The following WDR82 variants were observed in gnomAD, a reference collection of about 807,000 sequenced individuals.
WDR82 encodes the protein WD repeat domain 82, also known as WD repeat-containing protein 82.
WDR82 carries 8 observed loss-of-function variants against 36.1 expected under a neutral mutation model. That is an observed-to-expected ratio of 0.22 (90% CI 0.13 to 0.40). The LOEUF (loss-of-function observed/expected upper bound fraction) is 0.40, where lower values mean the gene tolerates loss of function less well. Among genes scored for constraint, WDR82 ranks in the 10% least tolerant of loss-of-function variants. The pLI, the probability that WDR82 is intolerant of heterozygous loss-of-function variation, is 1.00. For missense variants in WDR82, 185 were observed against 400.5 expected (o/e 0.46, Z 4.59); for synonymous variants, 129 against 137.8 (o/e 0.94, Z 0.45).
intron 2 of WDR82, chr3:52,268,464 A>C (rs1700125430): frequency 2.6e-6 from 1 of 382,046 alleles, no homozygotes. Context: ...GCAAAGCTAC[A>C]AGTGCCACAC....
At position 52,270,702 on chromosome 3, in the gene WDR82, G is replaced by C; in HGVS notation, c.259+10C>G. The C allele has an allele frequency of 6.2e-7, 1 of 1,601,324 alleles. No individual in the cohort carries two copies. The highest frequency in any genetic ancestry group is 8.5e-7 in the Non-Finnish European group (1 of 1,174,420). ...ACCATGACCTTAACTTCCTAAAAAG[G>C]CTTGCTTACCGTCTATTTTGTTAGA... On this transcript the variant is annotated intron_variant, in intron 2 of 8. Coordinates refer to ENST00000296490, the MANE Select transcript of WDR82 (RefSeq NM_025222.4).
In WDR82 at chr3:52,259,832, C is replaced by G. The variant is rs767980050; in HGVS notation, c.584G>C (p.Cys195Ser). Residue 195 changes from cysteine (C) to serine (S), a missense_variant, in exon 6 of 9, where the codon TGT (cysteine) becomes TCT (serine). By Grantham distance (112) the Cys-to-Ser change is moderately radical. Transcript: ENST00000296490. ...GCTGAATTTAAGTCCTGTCCACTCACAAGTTCGATCATACTGCATCTTAAA... is the reference window on the plus strand; with the variant it reads ...GCTGAATTTAAGTCCTGTCCACTCAGAAGTTCGATCATACTGCATCTTAAA... Reference protein sequence around the residue: ...ATFKMQYDRTCEWTGLKFSND... With the variant: ...ATFKMQYDRTSEWTGLKFSND... 6.2e-7 allele frequency: 1 copy of G among 1,614,094 alleles called. No homozygotes were observed. The highest frequency in any genetic ancestry group is 2.2e-5 in the East Asian group (1 of 44,888).
At chr3:52,262,048 C>G (rs1700066703) in intron 3 of WDR82, among the ~76,000 whole-genome samples, 2 of 152,204 alleles carry the variant, frequency 1.3e-5, no homozygotes, top group Admixed American at 1.3e-4. Context: ...TGTGCTGTAT[C>G]TATACACTGG....
At chr3:52,263,709 AC>A (rs760674769) in intron 3 of WDR82, among the ~76,000 whole-genome samples, 8 of 152,248 alleles carry the variant, frequency 5.3e-5, no homozygotes, top group Non-Finnish European at 8.8e-5. Context: ...TGAACTAACA[AC>A]AGATGCTTTG....
At chr3:52,273,683 C>T (rs1315293797) in intron 1 of WDR82, among the ~76,000 whole-genome samples, 1 of 152,154 alleles carries the variant, frequency 6.6e-6, no homozygotes, top group African/African-American at 2.4e-5. Context: ...TGCAGAGGCA[C>T]GATCTCGGCT....
intron 1 of WDR82, 189 bp downstream of exon 1, chr3:52,278,012 A>G (rs1700222748): frequency 2.2e-6 from 1 of 458,680 alleles, no homozygotes; most frequent in Non-Finnish European, 3.7e-6. Context: ...GACTATCGTT[A>G]TCTTTTTTTT....
rs1700230209 is a variant in WDR82, at chr3:52,278,615, T to C, written c.-254A>G. 1.0e-5 allele frequency: 4 copies of C among 399,542 alleles called. No individual in the cohort carries two copies. Among genetic ancestry groups the C allele is most frequent in the Non-Finnish European group, 1.8e-5 (4 of 227,334 alleles). 24.7% of individuals were successfully genotyped at this position (399,542 alleles called of 1,614,324 possible). A position where few individuals can be genotyped will look rare whatever the true frequency, so the allele number is the denominator to read the frequency against. On this transcript the variant is annotated 5_prime_UTR_variant, in exon 1 of 9. Transcript: ENST00000296490. The stretch of plus-strand genomic sequence containing the variant: ...CAACCGGCGCGTCGCCGGCTCATTG[T>C]GTCCGCCATTTTGGGGCGACAGGCA...
intron 1 of WDR82, among the ~76,000 whole-genome samples, chr3:52,276,034 A>G (rs1392317764): frequency 6.6e-6 from 1 of 152,222 alleles, no homozygotes; most frequent in Non-Finnish European, 1.5e-5. Flanking sequence ...ATTGAATCAT[A>G]TGGGAGTTCT....
intron 1 of WDR82, among the ~76,000 whole-genome samples, chr3:52,276,372 A>G (rs1700202799): frequency 6.6e-6 from 1 of 151,958 alleles, no homozygotes; most frequent in South Asian, 2.1e-4. Flanking sequence ...CAGAGGTTGC[A>G]GTGAGCCAAG....
intron 1 of WDR82, among the ~76,000 whole-genome samples, chr3:52,271,167 T>TA (rs1700150070): frequency 6.6e-6 from 1 of 152,222 alleles, no homozygotes; most frequent in Admixed American, 6.5e-5. Flanking sequence ...AATGGTCTCA[T>TA]AAGATTATAA....
chr3:52,261,362 A>C lies in WDR82; in HGVS notation c.426+18T>G, dbSNP rs747304617. 2.1e-5 allele frequency: 34 copies of C among 1,603,364 alleles called. No homozygotes were observed. Among genetic ancestry groups the C allele is most frequent in the Admixed American group, 5.1e-5 (3 of 58,408 alleles). On this transcript the variant is annotated intron_variant, in intron 4 of 8. Coordinates refer to ENST00000296490, the MANE Select transcript of WDR82 (RefSeq NM_025222.4). ...CCAAAGAAAATGCTCAAAAAGTATA[A>C]CTGTGAGGTACCATTACCTGGCAGT...
chr3:52,257,502 G>A lies in WDR82; in HGVS notation c.930C>T (p.Thr310=). ...AGCAGCAACAGGGTCAGTCATCAAT[G>A]GTGGGCAACCAAAAGGCCTAGAAGG... ...ACSNMAFWLP[T]IDD Residue 310 remains threonine, a synonymous_variant, in exon 9 of 9, where the codon ACC becomes ACT. Transcript: ENST00000296490. 1 of 1,614,044 alleles carries A rather than the reference G, an allele frequency of 6.2e-7. No individual in the cohort carries two copies.
rs1300361935 is a variant in WDR82, at chr3:52,254,722, G to C, written c.*2768C>G. The stretch of plus-strand genomic sequence containing the variant: ...TGTCACTGTCAAATAAACATCAGTG[G>C]CTTTGGCCCCAATTCTTAAGGTGGC... On this transcript the variant is annotated 3_prime_UTR_variant, in exon 9 of 9. Transcript: ENST00000296490. The C allele has an allele frequency of 6.6e-6, 1 of 152,236 alleles. No homozygotes were observed. The highest frequency in any genetic ancestry group is 1.5e-5 in the Non-Finnish European group (1 of 68,030). 9.4% of individuals were successfully genotyped at this position (152,236 alleles called of 1,614,324 possible).
In WDR82 at chr3:52,274,478, T is replaced by C. The variant is rs533065956; in HGVS notation, c.162-3669A>G. The stretch of plus-strand genomic sequence containing the variant: ...TACTTTGGAGATTGAGGTGGGAAGA[T>C]CACTTGAGCCCAGAAGATGAAGGCT... On this transcript the variant is annotated intron_variant, in intron 1 of 8. Transcript: ENST00000296490. Among the ~76,000 whole-genome samples, 13 of 152,214 alleles carry C rather than the reference T, an allele frequency of 8.5e-5. No individual in the cohort carries two copies. In the South Asian group the frequency reaches 2.7e-3, roughly 32 times the overall value.
chr3:52,259,630 T>C lies in WDR82; in HGVS notation c.699+87A>G, dbSNP rs543045638. ...CCTTCATGAGTAAGTCAAGAGTAAC[T>C]GTTGGTCTCCACCAACCAGCTAACA... On this transcript the variant is annotated intron_variant, in intron 6 of 8. Coordinates refer to ENST00000296490, the MANE Select transcript of WDR82 (RefSeq NM_025222.4). The C allele has an allele frequency of 4.1e-6, 6 of 1,446,218 alleles. No homozygotes were observed. In the South Asian group the frequency reaches 5.4e-5, roughly 13 times the overall value. The allele number at this position is 1,446,218 out of a possible 1,614,324, so 89.6% of individuals were successfully genotyped here.
intron 5 of WDR82, 45 bp downstream of exon 5, chr3:52,260,340 C>CAA: frequency 6.9e-7 from 1 of 1,446,144 alleles, no homozygotes; most frequent in Non-Finnish European, 9.2e-7. Flanking sequence ...AAAAACAAAA[C>CAA]AAAACAAAAA....
At chr3:52,263,474 C>T (rs1380913430) in intron 3 of WDR82, among the ~76,000 whole-genome samples, 1 of 152,132 alleles carries the variant, frequency 6.6e-6, no homozygotes, top group African/African-American at 2.4e-5. Flanking sequence ...ATATAGAGAA[C>T]CATTAAGAGA....
intron 2 of WDR82, chr3:52,268,222 G>C: frequency 2.3e-6 from 1 of 434,234 alleles, no homozygotes; most frequent in Non-Finnish European, 4.9e-6. Flanking sequence ...GTTTCCCAGA[G>C]ATGAGCAGGG....
At chr3:52,268,377 G>A in intron 2 of WDR82, 1 of 471,804 alleles carries the variant, frequency 2.1e-6, no homozygotes, top group Middle Eastern at 3.3e-4. Flanking sequence ...CAGGCAAAAG[G>A]AAACGGAGCG....
Sources: gnomAD v4.1 joint callset for allele counts (sites outside exome capture counted in the v4.1 genomes callset) on GRCh38, gnomAD v4.1.1 for gene constraint, MANE v1.5 for transcripts, NCBI Gene and HGNC (gene_info 2026-07-23, HGNC 2026-07-21) for gene names.